Variants in FAT2 observed in about 807,000 individuals in gnomAD.
The protein encoded by FAT2 is protocadherin Fat 2.
FAT2 carries 150 observed loss-of-function variants against 295.3 expected under a neutral mutation model. The ratio of observed to expected loss-of-function variants is 0.51; its 90% CI spans 0.44 to 0.58. The LOEUF is 0.58. Ranked by LOEUF, FAT2 falls within the 20% of genes least tolerant of loss-of-function variation. The pLI, the probability that FAT2 is intolerant of heterozygous loss-of-function variation, is 0.00. For missense variants in FAT2, 4,868 were observed against 5,442.7 expected (o/e 0.89, Z 3.32); for synonymous variants, 2,026 against 2,150.3 (o/e 0.94, Z 1.60).
At chr5:151,527,917 C>T (rs756965300) in intron 16 of FAT2, 79 bp downstream of exon 16, 9 of 1,540,594 alleles carry the variant, frequency 5.8e-6, no homozygotes, top group Admixed American at 1.8e-5. Context: ...GTCTTGACAG[C>T]GATTCATCTT....
rs529512681 is a variant in FAT2 at position 151,517,881 on chromosome 5, T to C, written c.11318-116A>G. On this transcript the variant is annotated intron_variant, in intron 19 of 23. Coordinates refer to ENST00000261800, the MANE Select transcript of FAT2 (RefSeq NM_001447.3). ...AGACAGAATCATTGCTCATATTTTA[T>C]ACATGAAGAAACTAGGCTGGGTGTG... The C allele has an allele frequency of 1.1e-5, 14 of 1,298,558 alleles. No individual in the cohort carries two copies. The South Asian group carries it at 1.9e-4, about 18-fold the overall frequency. The allele number at this position is 1,298,558 out of a possible 1,614,324, so 80.4% of individuals were successfully genotyped here.
chr5:151,526,263 T>A (rs1367079368), intron 17 of FAT2, among the ~76,000 whole-genome samples: 1 of 152,206 alleles, frequency 6.6e-6, no homozygotes, highest in Non-Finnish European at 1.5e-5. Flanking sequence ...AGAGATGACT[T>A]GCTCAAGATC....
In FAT2 at chr5:151,553,239, T is replaced by C. The variant is rs761438066; in HGVS notation, c.4094A>G (p.Asn1365Ser). The change falls in exon 6 of 24, where the codon AAC becomes AGC. Residue 1365 changes from asparagine to serine, a missense_variant. Transcript: ENST00000261800. ...SFTVMETDPV[N>S]HMVGVISVEG... ...TACGCTGATGACCCCCACCATGTGGTTCACAGGGTCCGTCTCCATGACCGT... is the reference window on the plus strand; with the variant it reads ...TACGCTGATGACCCCCACCATGTGGCTCACAGGGTCCGTCTCCATGACCGT... 6.2e-7 allele frequency: 1 copy of C among 1,614,194 alleles called. No homozygotes were observed. The highest frequency in any genetic ancestry group is 2.2e-5 in the East Asian group (1 of 44,882).
At chr5:151,527,672 C>G (rs1000518872) in intron 16 of FAT2, among the ~76,000 whole-genome samples, 6 of 152,136 alleles carry the variant, frequency 3.9e-5, no homozygotes, top group Admixed American at 6.5e-5. Flanking sequence ...TGGCATAAAT[C>G]CTTATAAAAC....
intron 1 of FAT2, among the ~76,000 whole-genome samples, chr5:151,574,264 A>G (rs1410127155): frequency 6.6e-6 from 1 of 152,012 alleles, no homozygotes; most frequent in Admixed American, 6.6e-5. Flanking sequence ...CTTTTTTCTC[A>G]TCTGTAAATA....
Position 151,542,610 on chromosome 5 carries a change from G to A in FAT2, c.8517C>T (p.Asp2839=), listed in dbSNP as rs143448074. The A allele has an allele frequency of 2.0e-5, 32 of 1,614,202 alleles. No homozygotes were observed. The highest frequency in any genetic ancestry group is 2.6e-5 in the Non-Finnish European group (31 of 1,180,036). The change falls in exon 10 of 24, where the codon GAC becomes GAT. Residue 2839 remains aspartate, a synonymous_variant. Coordinates refer to ENST00000261800, the MANE Select transcript of FAT2 (RefSeq NM_001447.3). Reference sequence around the variant, plus strand: ...AGAGCTCATGGACATTGCTACCAGGGTCTGCAGACAGCCTGTAGCTCACCT... The same window carrying A: ...AGAGCTCATGGACATTGCTACCAGGATCTGCAGACAGCCTGTAGCTCACCT... ...DGQVSYRLSA[D]PGSNVHELFA... is the part of the protein sequence containing the mutation.
chr5:151,558,481 T>C (rs1255751562), intron 3 of FAT2, among the ~76,000 whole-genome samples: 1 of 152,108 alleles, frequency 6.6e-6, no homozygotes, highest in East Asian at 1.9e-4. Context: ...TAGCTGGATG[T>C]TGTGGCGTGT....
chr5:151,509,975 A>T (rs1233213353), intron 22 of FAT2, 46 bp downstream of exon 22: 3 of 1,606,924 alleles, frequency 1.9e-6, no homozygotes, highest in Non-Finnish European at 1.7e-6. Flanking sequence ...TACAGAGCGC[A>T]TTCCCTAACA....
chr5:151,525,206 G>T (rs1753861899), intron 18 of FAT2, among the ~76,000 whole-genome samples: 1 of 152,216 alleles, frequency 6.6e-6, no homozygotes, highest in South Asian at 2.1e-4. Flanking sequence ...TTAGGAAAGA[G>T]ATTTGGAGAA....
In FAT2 at chr5:151,551,976, G is replaced by GGTGTGTGTGT. The variant is rs56267278; in HGVS notation, c.4157-380_4157-371dup. Among the ~76,000 whole-genome samples, 413 of 143,642 alleles carry GGTGTGTGTGT rather than the reference G, an allele frequency of 2.9e-3. 1 individual carries two copies. Among genetic ancestry groups the GGTGTGTGTGT allele is most frequent in the African/African-American group, 8.5e-3 (329 of 38,868 alleles). 94.2% of individuals were successfully genotyped at this position (143,642 alleles called of 152,430 possible). A position where few individuals can be genotyped will look rare whatever the true frequency, so the allele number is the denominator to read the frequency against. ...AACAATACTTTAATATAACCCTAAG[G>GGTGTGTGTGT]GTGTGTGTGTGTGTGTGTGTGTGTG... On this transcript the variant is annotated intron_variant, in intron 6 of 23. Coordinates refer to ENST00000261800, the MANE Select transcript of FAT2 (RefSeq NM_001447.3).
rs777829556 is a variant in FAT2 at position 151,544,193 on chromosome 5, C to T, written c.6934G>A (p.Val2312Met). The T allele has an allele frequency of 1.9e-6, 3 of 1,614,102 alleles. No individual in the cohort carries two copies. Among genetic ancestry groups the T allele is most frequent in the African/African-American group, 2.7e-5 (2 of 74,934 alleles). Reference protein sequence around the residue: ...GRNRDVSYQIVEDGSDVSKFF... With the variant: ...GRNRDVSYQIMEDGSDVSKFF... ...TTGGAAACATCTGAGCCATCCTCCA[C>T]AATCTGATAAGAGACGTCACGGTTC... Residue 2312 changes from valine to methionine, a missense_variant, in exon 10 of 24, where the codon GTG becomes ATG. Physicochemically the swap from Val to Met is conservative, Grantham distance 21. This residue lies in a region of FAT2 where 3,297 missense variants were observed against 3,669.4 expected (regional missense o/e 0.90). Coordinates refer to ENST00000261800, the MANE Select transcript of FAT2 (RefSeq NM_001447.3).
At position 151,542,902 on chromosome 5, in the gene FAT2, A is replaced by G; in HGVS notation, c.8225T>C (p.Leu2742Pro). 1 of 1,614,192 alleles carries G rather than the reference A, an allele frequency of 6.2e-7. No individual in the cohort carries two copies. The highest frequency in any genetic ancestry group is 8.5e-7 in the Non-Finnish European group (1 of 1,180,028). The change falls in exon 10 of 24, where the codon CTA (leucine) becomes CCA (proline). Residue 2742 changes from leucine to proline, a missense_variant. By Grantham distance (98) the Leu-to-Pro change is moderately conservative (BLOSUM62 -3). Around this residue, in one of 5 missense-constraint regions of FAT2, gnomAD observed 3,297 missense variants for 3,669.4 expected, o/e 0.90. Coordinates refer to ENST00000261800, the MANE Select transcript of FAT2 (RefSeq NM_001447.3). Reference protein sequence around the residue: ...PESNKDGVFSLDPDTGVIKVR... With the variant: ...PESNKDGVFSPDPDTGVIKVR... Reference sequence around the variant, plus strand: ...CTTTATGACCCCTGTGTCTGGGTCTAGGGAGAAGACACCATCCTTGTTGCT... The same window carrying G: ...CTTTATGACCCCTGTGTCTGGGTCTGGGGAGAAGACACCATCCTTGTTGCT...
rs1756043062 is a variant in FAT2, at chr5:151,540,721, T to C, written c.8885A>G (p.Asp2962Gly). 3 of 1,613,978 alleles carry C rather than the reference T, an allele frequency of 1.9e-6. No individual in the cohort carries two copies. The South Asian group carries it at 3.3e-5, about 18-fold the overall frequency. ...LGQFGISQVG[D>G]EWRISSRKTL... ...CTTCCTTGAGGAAATCCTCCACTCATCTCCAACTTGGCTGATGCCAAACTG... is the reference window on the plus strand; with the variant it reads ...CTTCCTTGAGGAAATCCTCCACTCACCTCCAACTTGGCTGATGCCAAACTG... The change falls in exon 11 of 24, where the codon GAT becomes GGT. Residue 2962 changes from aspartate to glycine, a missense_variant. Physicochemically the swap from Asp to Gly is moderately conservative, Grantham distance 94. Transcript: ENST00000261800.
Position 151,565,646 on chromosome 5 carries a change from CACCCCACCCT to C in FAT2, c.3259+17_3259+26del. ...TCAGCCCATCTACCTCTGGCCCTGG[CACCCCACCCT>C]ACCCCACCCCCAGTACCTGTATCTT... On this transcript the variant is annotated intron_variant, in intron 2 of 23. Transcript: ENST00000261800. The C allele has an allele frequency of 2.5e-5, 38 of 1,513,422 alleles. No homozygotes were observed. Among genetic ancestry groups the C allele is most frequent in the South Asian group, 3.9e-5 (3 of 77,494 alleles). The allele number at this position is 1,513,422 out of a possible 1,614,324, so 93.7% of individuals were successfully genotyped here.
Position 151,554,519 on chromosome 5 carries a change from A to G in FAT2, c.3788T>C (p.Val1263Ala). The G allele has an allele frequency of 1.2e-6, 2 of 1,614,226 alleles. No individual in the cohort carries two copies. The highest frequency in any genetic ancestry group is 1.7e-6 in the Non-Finnish European group (2 of 1,180,034). ...ERLSPVSPGP[V>A]YRLVASDLDE... is the part of the protein sequence containing the mutation. ...CAGGTCTGAAGCCACCAGCCTGTAC[A>G]CAGGCCCAGGGGACACAGGGCTCAG... is the stretch of plus-strand genomic sequence containing the variant. The change falls in exon 5 of 24, where the codon GTG becomes GCG. Residue 1263 changes from valine (V) to alanine (A), a missense_variant. Val to Ala is a moderately conservative substitution (Grantham distance 64). This residue lies in a region of FAT2 where 3,297 missense variants were observed against 3,669.4 expected (regional missense o/e 0.90). Transcript: ENST00000261800.
chr5:151,556,324 G>A lies in FAT2; in HGVS notation c.3633+20C>T. 6.2e-7 allele frequency: 1 copy of A among 1,609,812 alleles called. No homozygotes were observed. On this transcript the variant is annotated intron_variant, in intron 4 of 23. Coordinates refer to ENST00000261800, the MANE Select transcript of FAT2 (RefSeq NM_001447.3). ...ATGGCTCCACAAATCACCACAAATG[G>A]ATTCACCACCATTACTTACCTCCAG...
chr5:151,577,566 C>G (rs931768100), intron 1 of FAT2, among the ~76,000 whole-genome samples: 2 of 152,018 alleles, frequency 1.3e-5, no homozygotes, highest in African/African-American at 4.8e-5. Context: ...AGGGGAGATG[C>G]TATTTTTTAA....
chr5:151,512,541 G>C lies in FAT2; in HGVS notation c.11529C>G (p.Ser3843=). ...ACTCGTGGTCATTCACATGGCGCTG[G>C]GAGGAAAGGTTTCCATAGAAACCAC... ...CLGGFYGNLS[S]QRHVNDHEWH... The change falls in exon 21 of 24, where the codon TCC becomes TCG. Residue 3843 remains serine (S), a synonymous_variant. Coordinates refer to ENST00000261800, the MANE Select transcript of FAT2 (RefSeq NM_001447.3). The surrounding 1 kb of genome is among the most constrained non-coding windows in gnomAD (Gnocchi z 4.1). 1 of 1,614,160 alleles carries C rather than the reference G, an allele frequency of 6.2e-7. No individual in the cohort carries two copies.
chr5:151,565,812 C>G lies in FAT2; in HGVS notation c.3120G>C (p.Gln1040His), dbSNP rs940896957. ...PHFASFVHQG[Q>H]VQENSPSGTQ... is the part of the protein sequence containing the mutation. ...TTCCCGAGGGGCTGTTCTCCTGCAC[C>G]TGGCCCTGGTGCACGAAGGAGGCAA... is the stretch of plus-strand genomic sequence containing the variant. Residue 1040 changes from glutamine (Q) to histidine (H), a missense_variant, in exon 2 of 24, where the codon CAG becomes CAC. Gln to His is a conservative substitution (Grantham distance 24, BLOSUM62 0). This residue lies in a region of FAT2 where 3,297 missense variants were observed against 3,669.4 expected (regional missense o/e 0.90). Transcript: ENST00000261800. 1.2e-6 allele frequency: 2 copies of G among 1,614,058 alleles called. No homozygotes were observed. The highest frequency in any genetic ancestry group is 1.3e-5 in the African/African-American group (1 of 74,920).
Sources: gnomAD v4.1 joint callset for allele counts (sites outside exome capture counted in the v4.1 genomes callset) on GRCh38, gnomAD v4.1.1 for gene constraint, gnomAD v4.1.1 regional missense constraint, Gnocchi (gnomAD v3.1) non-coding constraint, MANE v1.5 for transcripts, NCBI Gene and HGNC (gene_info 2026-07-23, HGNC 2026-07-21) for gene names.